ITPK1: variants seen among roughly 807,000 people sequenced by gnomAD.
The protein encoded by ITPK1 is inositol-tetrakisphosphate 1-kinase, also known as inositol 1,3,4-trisphosphate 5/6-kinase.
In ITPK1, 21 loss-of-function variants were observed where a neutral mutation model predicts 45.3. The ratio of observed to expected loss-of-function variants is 0.46; its 90% CI spans 0.33 to 0.67. ITPK1 has a LOEUF of 0.67. Among genes scored for constraint, ITPK1 ranks in the 30% least tolerant of loss-of-function variants. The pLI is 0.02. For synonymous variants in ITPK1, 258 were observed against 253.6 expected (o/e 1.02, Z -0.16); for missense variants, 474 against 573.5 (o/e 0.83, Z 1.77).
chr14:93,048,535 A>G (rs1740592), intron 3 of ITPK1, among the ~76,000 whole-genome samples: 98,556 of 152,120 alleles, frequency 0.65, 33,479 homozygotes, highest in African/African-American at 0.88. Flanking sequence ...ACCTTTGTCC[A>G]CGTGCCTGTC....
chr14:92,946,596 T>A, intron 9 of ITPK1, 103 bp from the exon 10 acceptor site: 1 of 1,181,044 alleles, frequency 8.5e-7, no homozygotes, highest in Non-Finnish European at 1.2e-6. Flanking sequence ...CCTGGCATGC[T>A]TCAGGCCAGG....
At chr14:93,097,553 G>GA (rs1892130980) in intron 2 of ITPK1, among the ~76,000 whole-genome samples, 2 of 152,258 alleles carry the variant, frequency 1.3e-5, no homozygotes, top group South Asian at 2.1e-4. Context: ...ACTGTGGGAT[G>GA]AAAAAATGCT....
chr14:93,013,637 C>T (rs776238109), intron 4 of ITPK1, among the ~76,000 whole-genome samples: 1 of 152,268 alleles, frequency 6.6e-6, no homozygotes, highest in Non-Finnish European at 1.5e-5. Flanking sequence ...GGCAAAGCAT[C>T]TTGCCTCGGT....
intron 4 of ITPK1, among the ~76,000 whole-genome samples, chr14:93,008,548 G>A (rs1294119694): frequency 6.6e-6 from 1 of 152,234 alleles, no homozygotes; most frequent in African/African-American, 2.4e-5. Flanking sequence ...CCTGGGGCAG[G>A]GACCTATAGG....
At chr14:93,024,442 T>C (rs980036824) in intron 3 of ITPK1, among the ~76,000 whole-genome samples, 2 of 152,200 alleles carry the variant, frequency 1.3e-5, no homozygotes, top group African/African-American at 2.4e-5. Context: ...ATAGTCGCGA[T>C]GAGCACACAG....
At chr14:93,010,816 C>T (rs534371541) in intron 4 of ITPK1, among the ~76,000 whole-genome samples, 1 of 152,092 alleles carries the variant, frequency 6.6e-6, no homozygotes, top group South Asian at 2.1e-4. Flanking sequence ...ACCCCAGGCA[C>T]TCACAGTAAG....
At position 92,939,618 on chromosome 14, in the gene ITPK1, T is replaced by A; in HGVS notation, c.*1943A>T. Reference sequence around the variant, plus strand: ...GCCCCCGCCCCACCACGGAGGCCTATGGACGCCACCACGACACCACATGGC... The same window carrying A: ...GCCCCCGCCCCACCACGGAGGCCTAAGGACGCCACCACGACACCACATGGC... On this transcript the variant is annotated 3_prime_UTR_variant, in exon 11 of 11. Coordinates refer to ENST00000267615, the MANE Select transcript of ITPK1 (RefSeq NM_014216.6). 1.4e-4 allele frequency: 93 copies of A among 654,074 alleles called. No homozygotes were observed. The highest frequency in any genetic ancestry group is 7.6e-4 in the Middle Eastern group (1 of 1,318). The allele number at this position is 654,074 out of a possible 1,614,324, so 40.5% of individuals were successfully genotyped here. A position where few individuals can be genotyped will look rare whatever the true frequency, so the allele number is the denominator to read the frequency against.
chr14:93,044,923 G>T (rs541626432), intron 3 of ITPK1, among the ~76,000 whole-genome samples: 1 of 152,310 alleles, frequency 6.6e-6, no homozygotes, highest in Non-Finnish European at 1.5e-5. Flanking sequence ...CCACCAACCT[G>T]ACAGGGTTTA....
At chr14:93,002,339 C>T (rs575415152) in intron 4 of ITPK1, among the ~76,000 whole-genome samples, 10 of 152,174 alleles carry the variant, frequency 6.6e-5, no homozygotes, top group Admixed American at 3.3e-4. Flanking sequence ...GACCCTGTCT[C>T]AAAATAAAAT....
chr14:93,038,217 T>G (rs1332073488), intron 3 of ITPK1, among the ~76,000 whole-genome samples: 2 of 152,166 alleles, frequency 1.3e-5, no homozygotes, highest in Non-Finnish European at 2.9e-5. Flanking sequence ...GTATTTTTTG[T>G]AGAGACGTGG....
chr14:92,987,149 G>T (rs1009217042), intron 5 of ITPK1, among the ~76,000 whole-genome samples: 2 of 152,194 alleles, frequency 1.3e-5, no homozygotes, highest in Admixed American at 1.3e-4. Flanking sequence ...GTCCTGGTGG[G>T]ACAAAGGGGT....
intron 2 of ITPK1, among the ~76,000 whole-genome samples, chr14:93,101,069 A>T (rs1892298048): frequency 6.6e-6 from 1 of 152,074 alleles, no homozygotes; most frequent in Non-Finnish European, 1.5e-5. Flanking sequence ...GAGAGACCAC[A>T]GGGCCCATCA....
intron 3 of ITPK1, among the ~76,000 whole-genome samples, chr14:93,044,733 G>A (rs1161130927): frequency 6.6e-6 from 1 of 152,192 alleles, no homozygotes; most frequent in Admixed American, 6.5e-5. Flanking sequence ...AGGGAAGAAG[G>A]GTGTGGCCTC....
At chr14:92,951,488 G>A (rs966719483) in intron 9 of ITPK1, among the ~76,000 whole-genome samples, 2 of 152,180 alleles carry the variant, frequency 1.3e-5, no homozygotes, top group Admixed American at 1.3e-4. Context: ...CGGCCAGAAC[G>A]CCCGTTACCC....
At chr14:92,973,683 G>A (rs572166736) in intron 5 of ITPK1, among the ~76,000 whole-genome samples, 14 of 152,324 alleles carry the variant, frequency 9.2e-5, no homozygotes, top group African/African-American at 2.4e-4. Context: ...TTTGGCCAGC[G>A]ATGACGATGG....
At chr14:93,111,543 T>C (rs111681832) in intron 2 of ITPK1, among the ~76,000 whole-genome samples, 1 of 151,818 alleles carries the variant, frequency 6.6e-6, no homozygotes, top group East Asian at 1.9e-4. Flanking sequence ...AAACTCCATC[T>C]CCACTAAAAA....
chr14:93,005,474 C>A (rs764622669), intron 4 of ITPK1, among the ~76,000 whole-genome samples: 6 of 152,178 alleles, frequency 3.9e-5, no homozygotes, highest in Non-Finnish European at 5.9e-5. Context: ...GGCAGCATGA[C>A]ACCACCCTTC....
chr14:93,035,193 A>C (rs74951293), intron 3 of ITPK1, among the ~76,000 whole-genome samples: 4,174 of 152,306 alleles, frequency 0.027, 98 homozygotes, highest in Admixed American at 0.085. Context: ...CATTCAACAA[A>C]TAGAGACCAG....
At position 92,941,153 on chromosome 14, in the gene ITPK1, C is replaced by T. The variant is rs2139688655; in HGVS notation, c.*408G>A. 8.3e-7 allele frequency: 1 copy of T among 1,208,840 alleles called. No individual in the cohort carries two copies. The highest frequency in any genetic ancestry group is 1.0e-6 in the Non-Finnish European group (1 of 958,846). The allele number at this position is 1,208,840 out of a possible 1,614,324, so 74.9% of individuals were successfully genotyped here. On this transcript the variant is annotated 3_prime_UTR_variant, in exon 11 of 11. Coordinates refer to ENST00000267615, the MANE Select transcript of ITPK1 (RefSeq NM_014216.6). ...CTCTCACATGCACCGATCAGCCTCC[C>T]ACAGCCCGACATGGGCAGGCTTCCC...
Sources: allele counts gnomAD v4.1 joint callset (sites outside exome capture counted in the v4.1 genomes callset), GRCh38; gene constraint gnomAD v4.1.1; transcripts MANE v1.5; gene names NCBI Gene and HGNC (gene_info 2026-07-23, HGNC 2026-07-21).